The following SLIT3 variants were observed in gnomAD, a reference collection of about 807,000 sequenced individuals.
The protein encoded by SLIT3 is slit guidance ligand 3, also known as slit homolog 3 protein.
A neutral mutation model predicts 184.0 loss-of-function variants in SLIT3; 68 were observed. That is an observed-to-expected ratio of 0.37 (90% confidence interval 0.30 to 0.45). The LOEUF (loss-of-function observed/expected upper bound fraction) is 0.45. Ranked by LOEUF, SLIT3 falls within the 20% of genes least tolerant of loss-of-function variation. The probability of loss-of-function intolerance (pLI) is 1.00; values close to 1 mark genes in which losing one functional copy is unlikely to be tolerated. For synonymous variants in SLIT3, 831 were observed against 828.6 expected, an observed-to-expected ratio of 1.00 and a Z score of -0.05; for missense variants, 1,707 against 2,026.0, an observed-to-expected ratio of 0.84 and a Z score of 3.02.
At chr5:169,191,851 A>G (rs7733887) in intron 4 of SLIT3, among the ~76,000 whole-genome samples, 15,133 of 152,144 alleles carry the variant, frequency 0.099, 866 homozygotes, top group South Asian at 0.14. Context: ...CCCACCTGAC[A>G]TGCTGCAGCA....
At chr5:168,835,945 C>T (rs1758038117) in intron 6 of SLIT3, among the ~76,000 whole-genome samples, 1 of 152,200 alleles carries the variant, frequency 6.6e-6, no homozygotes, top group Non-Finnish European at 1.5e-5. Flanking sequence ...GCATGATCTA[C>T]TTCACCTGGT....
At chr5:168,962,650 C>T (rs1482481874) in intron 4 of SLIT3, among the ~76,000 whole-genome samples, 1 of 152,300 alleles carries the variant, frequency 6.6e-6, no homozygotes, top group Non-Finnish European at 1.5e-5. Context: ...CCACTGAGGC[C>T]CCCCAGGGCA....
chr5:168,897,646 G>GCGCGCGCGCGCGCGCGCA, intron 4 of SLIT3, among the ~76,000 whole-genome samples: 4 of 105,378 alleles, frequency 3.8e-5, no homozygotes, highest in African/African-American at 4.2e-5. Context: ...ACAGGTGCAC[G>GCGCGCGCGCGCGCGCGCA]TACACACACA....
chr5:169,008,678 A>C (rs1400311962), intron 4 of SLIT3, among the ~76,000 whole-genome samples: 1 of 152,030 alleles, frequency 6.6e-6, no homozygotes, highest in East Asian at 1.9e-4. Context: ...ACTTTTTAAT[A>C]AAAATAGAGA....
chr5:169,193,495 G>C lies in SLIT3; in HGVS notation c.397C>G (p.Pro133Ala), dbSNP rs372548594. 1 of 1,614,024 alleles carries C rather than the reference G, an allele frequency of 6.2e-7. No homozygotes were observed. Among genetic ancestry groups the C allele is most frequent in the Non-Finnish European group, 8.5e-7 (1 of 1,179,894 alleles). ...VLPELLFQST[P>A]KLTRLDLSEN... ...TCTACTCACAGTCTGGTGAGCTTCG[G>C]CGTGCTCTGGAAAAGCAATTCTGGA... The change falls in exon 4 of 36, where the codon CCG becomes GCG. Residue 133 changes from proline (P) to alanine (A), a missense_variant. Pro to Ala is a conservative substitution (Grantham distance 27). Coordinates refer to ENST00000519560, the MANE Select transcript of SLIT3 (RefSeq NM_003062.4).
intron 12 of SLIT3, among the ~76,000 whole-genome samples, chr5:168,785,143 ACACACACACACACTCC>A (rs1337231542): frequency 6.6e-6 from 1 of 152,144 alleles, no homozygotes; most frequent in Non-Finnish European, 1.5e-5. Flanking sequence ...GCATGCACAC[ACACACACACACACTCC>A]CACACCCATA....
At chr5:168,718,564 A>T (rs1339925623) in intron 23 of SLIT3, among the ~76,000 whole-genome samples, 1 of 152,018 alleles carries the variant, frequency 6.6e-6, no homozygotes, top group African/African-American at 2.4e-5. Flanking sequence ...TCTTTTCGCT[A>T]TTTTCAGATT....
intron 4 of SLIT3, among the ~76,000 whole-genome samples, chr5:169,089,653 G>A (rs950966643): frequency 2.6e-5 from 4 of 152,186 alleles, no homozygotes; most frequent in African/African-American, 9.7e-5. Context: ...GGAGAGCTCT[G>A]TACCTGTCAG....
chr5:169,129,615 A>C (rs1225562248), intron 4 of SLIT3, among the ~76,000 whole-genome samples: 1 of 152,202 alleles, frequency 6.6e-6, no homozygotes, highest in Non-Finnish European at 1.5e-5. Flanking sequence ...TAAACTAAAA[A>C]TAAGGTCAAG....
At chr5:168,828,401 C>G (rs964781084) in intron 6 of SLIT3, among the ~76,000 whole-genome samples, 1 of 151,910 alleles carries the variant, frequency 6.6e-6, no homozygotes, top group Admixed American at 6.6e-5. Flanking sequence ...GAGGCCACAG[C>G]GGGAGGACTG....
intron 3 of SLIT3, among the ~76,000 whole-genome samples, chr5:169,200,500 G>C (rs1763876240): frequency 2.0e-5 from 3 of 152,178 alleles, no homozygotes; most frequent in Admixed American, 6.5e-5. Flanking sequence ...GAGGGAGAGG[G>C]ACAATGCTTC....
In SLIT3 at chr5:169,071,663, A is replaced by T. The variant is rs147025841; in HGVS notation, c.413+121816T>A. On this transcript the variant is annotated intron_variant, in intron 4 of 35. Transcript: ENST00000519560. Reference sequence around the variant, plus strand: ...TTTTTGTGGCAGTCCTTTGACATGGAATCTTTACTGTGTGCAAGTGTAGAA... The same window carrying T: ...TTTTTGTGGCAGTCCTTTGACATGGTATCTTTACTGTGTGCAAGTGTAGAA... Among the ~76,000 whole-genome samples the T allele has an allele frequency of 1.6e-4, 24 of 152,268 alleles. No individual in the cohort carries two copies. In the East Asian group the frequency reaches 4.6e-3, roughly 29 times the overall value.
rs534099563 is a variant in SLIT3, at chr5:169,197,135, G to T, written c.342-3585C>A. 2.6e-5 allele frequency among the ~76,000 whole-genome samples: 4 copies of T among 152,234 alleles called. No homozygotes were observed. In the South Asian group the frequency reaches 8.3e-4, roughly 32 times the overall value. On this transcript the variant is annotated intron_variant, in intron 3 of 35. Transcript: ENST00000519560. ...GGGAAGGAATCATTTTCAGTTTTTT[G>T]CCGGTATTTGTGGCTGGACAAAAAT...
At chr5:168,963,606 T>C (rs1249058369) in intron 4 of SLIT3, among the ~76,000 whole-genome samples, 1 of 152,246 alleles carries the variant, frequency 6.6e-6, no homozygotes, top group Non-Finnish European at 1.5e-5. Flanking sequence ...CAGTGACCCC[T>C]GGATTAGACT....
intron 1 of SLIT3, among the ~76,000 whole-genome samples, chr5:169,266,624 G>A (rs1766405039): frequency 2.0e-5 from 3 of 152,128 alleles, no homozygotes. Context: ...CAGCTCTACT[G>A]GACTGGGTGG....
chr5:168,741,201 A>T (rs527559374), intron 20 of SLIT3, among the ~76,000 whole-genome samples: 1 of 152,234 alleles, frequency 6.6e-6, no homozygotes, highest in East Asian at 1.9e-4. Context: ...CCAGGCACGG[A>T]GGCTCATGCC....
chr5:168,959,895 T>C (rs1433842930), intron 4 of SLIT3, among the ~76,000 whole-genome samples: 1 of 152,174 alleles, frequency 6.6e-6, no homozygotes, highest in Admixed American at 6.5e-5. Flanking sequence ...TGGACACTTC[T>C]AACAGTCCTG....
At chr5:168,972,085 T>C (rs914143180) in intron 4 of SLIT3, among the ~76,000 whole-genome samples, 1 of 151,768 alleles carries the variant, frequency 6.6e-6, no homozygotes, top group Non-Finnish European at 1.5e-5. Flanking sequence ...TCTGGGGAGG[T>C]GATGACTCTT....
rs576787353 is a variant in SLIT3, at chr5:168,885,600, G to A, written c.414-2264C>T. ...AAATGAAGCTGGTCTGTAGGCCACC[G>A]AGCCTTTGCCCACTACCCTCCCAGG... On this transcript the variant is annotated intron_variant, in intron 4 of 35. Transcript: ENST00000519560. Among the ~76,000 whole-genome samples the A allele has an allele frequency of 4.6e-5, 7 of 152,272 alleles. No individual in the cohort carries two copies. The South Asian group carries it at 1.2e-3, about 27-fold the overall frequency.
Sources: gnomAD v4.1 joint callset for allele counts (sites outside exome capture counted in the v4.1 genomes callset) on GRCh38, gnomAD v4.1.1 for gene constraint, MANE v1.5 for transcripts, NCBI Gene and HGNC (gene_info 2026-07-23, HGNC 2026-07-21) for gene names.